EYS: variants seen among roughly 807,000 people sequenced by gnomAD.
EYS encodes the protein protein eyes shut homolog.
EYS carries 250 observed loss-of-function variants against 282.1 expected under a neutral mutation model. That is an observed-to-expected ratio of 0.89 (90% confidence interval 0.80 to 0.98). The LOEUF (loss-of-function observed/expected upper bound fraction) is 0.98. Ranked by LOEUF, EYS falls within the 50% of genes least tolerant of loss-of-function variation. The pLI, the probability that EYS is intolerant of heterozygous loss-of-function variation, is 0.00. For synonymous variants in EYS, 1,355 were observed against 1,282.9 expected, an observed-to-expected ratio of 1.06 and a Z score of -1.20; for missense variants, 4,016 against 3,709.0, an observed-to-expected ratio of 1.08 and a Z score of -2.15.
At chr6:65,135,814 T>C (rs1304859489) in intron 12 of EYS, among the ~76,000 whole-genome samples, 1 of 152,086 alleles carries the variant, frequency 6.6e-6, no homozygotes, top group Non-Finnish European at 1.5e-5. Context: ...CTCTCTGTGA[T>C]GCTTACTGGA....
chr6:64,909,161 C>T (rs1767917629), intron 16 of EYS, among the ~76,000 whole-genome samples: 1 of 152,104 alleles, frequency 6.6e-6, no homozygotes, highest in African/African-American at 2.4e-5. Context: ...TTTTCCAGAA[C>T]CTATCTCAAG....
At chr6:65,359,655 T>C (rs1194743178) in intron 8 of EYS, among the ~76,000 whole-genome samples, 13 of 152,032 alleles carry the variant, frequency 8.6e-5, no homozygotes, top group Non-Finnish European at 1.5e-4. Context: ...CATTTGCTAG[T>C]TTTTAGAAAC....
At chr6:64,488,130 A>C (rs1167894491) in intron 26 of EYS, among the ~76,000 whole-genome samples, 1 of 151,106 alleles carries the variant, frequency 6.6e-6, no homozygotes, top group Admixed American at 6.6e-5. Flanking sequence ...ATTTTCAAAA[A>C]AGGATGGAAG....
chr6:65,218,558 G>A (rs1482564355), intron 12 of EYS, among the ~76,000 whole-genome samples: 3 of 151,970 alleles, frequency 2.0e-5, no homozygotes, highest in Non-Finnish European at 4.4e-5. Context: ...TCACTCATTG[G>A]GATTTTGCCA....
At chr6:63,896,247 A>G (rs936838059) in intron 35 of EYS, among the ~76,000 whole-genome samples, 1 of 152,130 alleles carries the variant, frequency 6.6e-6, no homozygotes, top group South Asian at 2.1e-4. Flanking sequence ...ATTCCACTGT[A>G]TCGTGTAAGC....
intron 26 of EYS, among the ~76,000 whole-genome samples, chr6:64,449,883 T>C (rs184905591): frequency 0.031 from 4,699 of 152,088 alleles, 231 homozygotes; most frequent in African/African-American, 0.11. Flanking sequence ...GAACAACCGG[T>C]ACCAGCCACT....
Position 64,093,807 on chromosome 6 carries a change from G to A in EYS, c.6425-11805C>T, listed in dbSNP as rs139626943. On this transcript the variant is annotated intron_variant, in intron 31 of 42. Transcript: ENST00000503581. ...CAACACTATGTTGAATAGGAGTGGCGAGAGAGGTCATCCCTGTCTTGTGCC... is the reference window on the plus strand; with the variant it reads ...CAACACTATGTTGAATAGGAGTGGCAAGAGAGGTCATCCCTGTCTTGTGCC... Among the ~76,000 whole-genome samples, 790 of 152,212 alleles carry A rather than the reference G, an allele frequency of 5.2e-3. 7 individuals carry two copies. The highest frequency in any genetic ancestry group is 0.018 in the African/African-American group (728 of 41,516).
intron 2 of EYS, among the ~76,000 whole-genome samples, chr6:65,550,146 T>TCTGATCAGGGAGAAACC (rs1562254245): frequency 2.1e-5 from 1 of 47,856 alleles, no homozygotes; most frequent in African/African-American, 9.6e-5. Flanking sequence ...ACTATATCTT[T>TCTGATCAGGGAGAAACC]TTTTTTTTTT....
chr6:64,694,415 A>G (rs778643883), intron 22 of EYS, among the ~76,000 whole-genome samples: 5 of 152,178 alleles, frequency 3.3e-5, no homozygotes, highest in Non-Finnish European at 7.3e-5. Flanking sequence ...GCACATTCCC[A>G]CTGGGAAGCT....
At chr6:64,520,240 G>A (rs1254736141) in intron 26 of EYS, among the ~76,000 whole-genome samples, 1 of 151,670 alleles carries the variant, frequency 6.6e-6, no homozygotes, top group Admixed American at 6.6e-5. Flanking sequence ...TAATGGAGGA[G>A]GGAATGTTCC....
chr6:63,878,612 C>A (rs137879860), intron 35 of EYS, among the ~76,000 whole-genome samples: 106 of 152,336 alleles, frequency 7.0e-4, no homozygotes, highest in African/African-American at 2.3e-3. Flanking sequence ...CCTTGAACTG[C>A]GGTGGGCTCC....
chr6:64,346,664 G>A (rs1582633522), intron 29 of EYS, among the ~76,000 whole-genome samples: 1 of 151,636 alleles, frequency 6.6e-6, no homozygotes, highest in Non-Finnish European at 1.5e-5. Flanking sequence ...TAACAAACCT[G>A]CACGTTGGGC....
At chr6:64,865,795 T>C (rs1766409134) in intron 19 of EYS, among the ~76,000 whole-genome samples, 2 of 152,104 alleles carry the variant, frequency 1.3e-5, no homozygotes, top group African/African-American at 4.8e-5. Context: ...TACCCTAGAC[T>C]GATGTAGCTG....
At chr6:64,839,617 A>G (rs1311617840) in intron 19 of EYS, among the ~76,000 whole-genome samples, 1 of 152,018 alleles carries the variant, frequency 6.6e-6, no homozygotes, top group Non-Finnish European at 1.5e-5. Context: ...TATTGCTATA[A>G]TTATATACTT....
At chr6:63,829,519 G>T (rs1173959543) in intron 36 of EYS, among the ~76,000 whole-genome samples, 1 of 152,168 alleles carries the variant, frequency 6.6e-6, no homozygotes, top group Non-Finnish European at 1.5e-5. Flanking sequence ...TGGGGGAGGG[G>T]CGTCCACCAT....
At chr6:64,081,102 TG>T (rs1239389492) in intron 32 of EYS, among the ~76,000 whole-genome samples, 2 of 152,178 alleles carry the variant, frequency 1.3e-5, no homozygotes, top group African/African-American at 4.8e-5. Context: ...AGAAAGTCAT[TG>T]GTGACTTTAT....
intron 26 of EYS, among the ~76,000 whole-genome samples, chr6:64,521,122 C>A (rs1394773865): frequency 2.0e-5 from 3 of 151,734 alleles, no homozygotes; most frequent in Non-Finnish European, 4.4e-5. Context: ...CTGAACATGT[C>A]TGAGTAGTTT....
chr6:64,567,047 T>C (rs1350451461), intron 26 of EYS, among the ~76,000 whole-genome samples: 1 of 152,200 alleles, frequency 6.6e-6, no homozygotes, highest in East Asian at 1.9e-4. Flanking sequence ...AGTGCTGGGA[T>C]TACAGGCATG....
intron 36 of EYS, among the ~76,000 whole-genome samples, chr6:63,826,845 C>CAAAAAAAAAAAAAAAAAGGAAAAAAA (rs1771475400): frequency 2.6e-5 from 2 of 76,762 alleles, no homozygotes; most frequent in South Asian, 4.8e-4. Context: ...AGTTAAAAAG[C>CAAAAAAAAAAAAAAAAAGGAAAAAAA]AAAAAAAAAA....
Sources: allele counts gnomAD v4.1 joint callset (sites outside exome capture counted in the v4.1 genomes callset), GRCh38; gene constraint gnomAD v4.1.1; transcripts MANE v1.5; gene names NCBI Gene and HGNC (gene_info 2026-07-23, HGNC 2026-07-21).